COL5A1: variants seen among roughly 807,000 people sequenced by gnomAD.
The protein encoded by COL5A1 is collagen type V alpha 1 chain.
A neutral mutation model predicts 263.7 loss-of-function variants in COL5A1; 16 were observed. The observed-to-expected ratio is 0.06, with a 90% confidence interval of 0.04 to 0.09. COL5A1 has a LOEUF of 0.09. Among genes scored for constraint, COL5A1 ranks in the 10% least tolerant of loss-of-function variants. The pLI, the probability that COL5A1 is intolerant of heterozygous loss-of-function variation, is 1.00. For synonymous variants in COL5A1, 1,012 were observed against 1,004.5 expected (o/e 1.01, Z -0.14); for missense variants, 2,036 against 2,540.5 (o/e 0.80, Z 4.27).
At chr9:134,819,877 T>C (rs1838923301) in intron 57 of COL5A1, among the ~76,000 whole-genome samples, 1 of 152,216 alleles carries the variant, frequency 6.6e-6, no homozygotes, top group South Asian at 2.1e-4. Flanking sequence ...CTTTGGTCTG[T>C]CTCAGTGTCT....
intron 63 of COL5A1, among the ~76,000 whole-genome samples, chr9:134,826,654 C>CTGGTGTGTGGGTGTGTGTATGG (rs778708306): frequency 6.8e-6 from 1 of 146,782 alleles, no homozygotes; most frequent in African/African-American, 2.6e-5. Flanking sequence ...GTGCATGTGG[C>CTGGTGTGTGGGTGTGTGTATGG]TGGTGGATGG....
chr9:134,669,082 A>T (rs1263823157), intron 1 of COL5A1, among the ~76,000 whole-genome samples: 3 of 147,226 alleles, frequency 2.0e-5, no homozygotes, highest in Non-Finnish European at 4.5e-5. Flanking sequence ...CCATCCACCC[A>T]TCCTTTCACC....
chr9:134,809,672 C>T (rs539000587), intron 43 of COL5A1, among the ~76,000 whole-genome samples: 9 of 152,338 alleles, frequency 5.9e-5, no homozygotes, highest in East Asian at 1.9e-4. Flanking sequence ...TAAATGTCTC[C>T]GCTTGAATTA....
At chr9:134,675,790 T>C (rs1480333861) in intron 1 of COL5A1, among the ~76,000 whole-genome samples, 2 of 152,220 alleles carry the variant, frequency 1.3e-5, no homozygotes, top group Admixed American at 6.5e-5. Flanking sequence ...TCCAAGGGGC[T>C]GCTTGAGCTT....
At position 134,682,266 on chromosome 9, in the gene COL5A1, C is replaced by T. The variant is rs1240979509; in HGVS notation, c.110-8646C>T. 6.6e-6 allele frequency among the ~76,000 whole-genome samples: 1 copy of T among 152,166 alleles called. No homozygotes were observed. The highest frequency in any genetic ancestry group is 2.4e-5 in the African/African-American group (1 of 41,436). Reference sequence around the variant, plus strand: ...TGGGTGCCAGGGACCCAGCCTAGTGCCTCGCCTTCCCCCAGCCATGCTGCC... The same window carrying T: ...TGGGTGCCAGGGACCCAGCCTAGTGTCTCGCCTTCCCCCAGCCATGCTGCC... On this transcript the variant is annotated intron_variant, in intron 1 of 65. Transcript: ENST00000371817. The surrounding 1 kb of genome is among the most constrained non-coding windows in gnomAD (Gnocchi z 5.1).
chr9:134,793,130 CCCTCGGG>C (rs938478555), intron 32 of COL5A1, among the ~76,000 whole-genome samples: 2 of 151,952 alleles, frequency 1.3e-5, no homozygotes, highest in Admixed American at 6.6e-5. Context: ...GTCGCTTTGC[CCCTCGGG>C]CCTCGGGCCA....
At chr9:134,669,771 G>C (rs1832486091) in intron 1 of COL5A1, among the ~76,000 whole-genome samples, 1 of 152,176 alleles carries the variant, frequency 6.6e-6, no homozygotes, top group African/African-American at 2.4e-5. Flanking sequence ...CCGCAGAGGT[G>C]GGGTGTGGAT....
intron 1 of COL5A1, among the ~76,000 whole-genome samples, chr9:134,644,602 C>T: frequency 6.6e-6 from 1 of 150,798 alleles, no homozygotes; most frequent in African/African-American, 2.5e-5. Flanking sequence ...GGGGGAGCCA[C>T]CAGCAAGTGC....
chr9:134,803,596 G>A (rs936001947), intron 39 of COL5A1, among the ~76,000 whole-genome samples: 1 of 152,046 alleles, frequency 6.6e-6, no homozygotes, highest in Non-Finnish European at 1.5e-5. Context: ...GATCGTGCCA[G>A]TGCACTCCAG....
At chr9:134,737,247 C>A (rs1835134758) in intron 9 of COL5A1, among the ~76,000 whole-genome samples, 1 of 152,228 alleles carries the variant, frequency 6.6e-6, no homozygotes. Context: ...TCCTTCCCTG[C>A]AGCTGCAGGA....
chr9:134,703,861 G>T (rs184594743), intron 4 of COL5A1, among the ~76,000 whole-genome samples: 2 of 151,812 alleles, frequency 1.3e-5, no homozygotes, highest in South Asian at 2.1e-4. Context: ...GGATGGTCTC[G>T]ATCTCCTGAC....
At chr9:134,739,052 C>T (rs992262039) in intron 11 of COL5A1, among the ~76,000 whole-genome samples, 20 of 152,236 alleles carry the variant, frequency 1.3e-4, no homozygotes, top group African/African-American at 4.3e-4. Context: ...TCAGCCCAGA[C>T]GGTGGCCTCA....
At chr9:134,759,903 ATG>A in intron 18 of COL5A1, among the ~76,000 whole-genome samples, 2 of 87,376 alleles carry the variant, frequency 2.3e-5, no homozygotes, top group African/African-American at 4.9e-5. Flanking sequence ...ACACACACCC[ATG>A]CACCCCCACA....
At position 134,776,641 on chromosome 9, in the gene COL5A1, T is replaced by C. The variant is rs1480432114; in HGVS notation, c.2385+1729T>C. Among the ~76,000 whole-genome samples the C allele has an allele frequency of 4.6e-5, 7 of 152,320 alleles. No individual in the cohort carries two copies. In the South Asian group the frequency reaches 6.2e-4, roughly 14 times the overall value. ...CCGAGCTGCCGCCATTTGAGGTGAA[T>C]AGTCCTTGGTGAGAGGGGGCCCGTT... On this transcript the variant is annotated intron_variant, in intron 27 of 65. Coordinates refer to ENST00000371817, the MANE Select transcript of COL5A1 (RefSeq NM_000093.5).
chr9:134,712,937 G>A (rs1192631936), intron 4 of COL5A1, among the ~76,000 whole-genome samples: 2 of 152,096 alleles, frequency 1.3e-5, no homozygotes, highest in Non-Finnish European at 2.9e-5. Context: ...AGAAGGGCCT[G>A]TGGGTGACCA....
chr9:134,820,061 C>T (rs1359012749), intron 57 of COL5A1, 55 bp from the exon 58 acceptor site: 11 of 1,386,874 alleles, frequency 7.9e-6, no homozygotes, highest in Middle Eastern at 1.8e-4. Flanking sequence ...CCACCGTGGC[C>T]GAGCATGAGG....
At chr9:134,813,441 T>C (rs1564476685) in intron 48 of COL5A1, among the ~76,000 whole-genome samples, 1 of 152,214 alleles carries the variant, frequency 6.6e-6, no homozygotes, top group African/African-American at 2.4e-5. Context: ...GCTCATTTTT[T>C]ATGATACAGA....
At position 134,812,768 on chromosome 9, in the gene COL5A1, GTGTGTC is replaced by G. The variant is rs1025897501; in HGVS notation, c.3852+62_3852+67del. Reference sequence around the variant, plus strand: ...TTGCGGTTGTTTGAGGAGTGTGTGTGTGTGTCTGTGTGTGTGTGTCTGTGTGTATGT... The same window carrying G: ...TTGCGGTTGTTTGAGGAGTGTGTGTGTGTGTGTGTGTGTCTGTGTGTATGT... On this transcript the variant is annotated intron_variant, in intron 48 of 65. Coordinates refer to ENST00000371817, the MANE Select transcript of COL5A1 (RefSeq NM_000093.5). 3,858 of 920,174 alleles carry G rather than the reference GTGTGTC, an allele frequency of 4.2e-3. 31 individuals carry two copies. Among genetic ancestry groups the G allele is most frequent in the African/African-American group, 0.04 (1,687 of 42,218 alleles). The allele number at this position is 920,174 out of a possible 1,614,324, so 57.0% of individuals were successfully genotyped here. A position where few individuals can be genotyped will look rare whatever the true frequency, so the allele number is the denominator to read the frequency against.
At chr9:134,763,070 C>T (rs1836523178) in intron 19 of COL5A1, among the ~76,000 whole-genome samples, 1 of 152,012 alleles carries the variant, frequency 6.6e-6, no homozygotes, top group African/African-American at 2.4e-5. Context: ...GCTGTGTATG[C>T]ATGTGCATGC....
Sources: gnomAD v4.1 joint callset for allele counts (sites outside exome capture counted in the v4.1 genomes callset) on GRCh38, gnomAD v4.1.1 for gene constraint, Gnocchi (gnomAD v3.1) non-coding constraint, MANE v1.5 for transcripts, NCBI Gene and HGNC (gene_info 2026-07-23, HGNC 2026-07-21) for gene names.